Variants in DGKB observed in about 807,000 individuals in gnomAD.
DGKB encodes the protein diacylglycerol kinase beta, also known as 90 kDa diacylglycerol kinase.
In DGKB, 67 loss-of-function variants were observed where a neutral mutation model predicts 114.3. The ratio of observed to expected loss-of-function variants is 0.59; its 90% CI spans 0.48 to 0.72. The LOEUF (loss-of-function observed/expected upper bound fraction) is 0.72. Among genes scored for constraint, DGKB ranks in the 30% least tolerant of loss-of-function variants. DGKB has a pLI of 0.00. For synonymous variants in DGKB, 398 were observed against 323.1 expected (o/e 1.23, Z -2.49); for missense variants, 907 against 975.2 (o/e 0.93, Z 0.93).
At chr7:14,352,720 T>C (rs910678635) in intron 21 of DGKB, among the ~76,000 whole-genome samples, 2 of 152,006 alleles carry the variant, frequency 1.3e-5, no homozygotes, top group Admixed American at 6.6e-5. Context: ...GTCAGGAGTT[T>C]GAGAGCAGCC....
chr7:14,739,992 C>T (rs1232657858), intron 4 of DGKB, among the ~76,000 whole-genome samples: 1 of 152,248 alleles, frequency 6.6e-6, no homozygotes, highest in Non-Finnish European at 1.5e-5. Flanking sequence ...GCTGTATGTA[C>T]TTTCGGCATC....
chr7:14,731,569 G>T (rs1830930587), intron 5 of DGKB, among the ~76,000 whole-genome samples: 1 of 152,144 alleles, frequency 6.6e-6, no homozygotes, highest in Admixed American at 6.5e-5. Flanking sequence ...AATTTATAGT[G>T]ACAGATATCT....
At chr7:14,717,249 T>C (rs1828350594) in intron 6 of DGKB, among the ~76,000 whole-genome samples, 1 of 152,108 alleles carries the variant, frequency 6.6e-6, no homozygotes, top group African/African-American at 2.4e-5. Flanking sequence ...CTAAATACCA[T>C]CTTGGGGAGG....
intron 23 of DGKB, among the ~76,000 whole-genome samples, chr7:14,278,898 C>A (rs1273903107): frequency 6.6e-6 from 1 of 152,140 alleles, no homozygotes; most frequent in Non-Finnish European, 1.5e-5. Flanking sequence ...CGAATAGGAA[C>A]AGCTCAGGTC....
At chr7:14,856,527 T>C (rs922092662) in intron 1 of DGKB, among the ~76,000 whole-genome samples, 1 of 152,290 alleles carries the variant, frequency 6.6e-6, no homozygotes, top group South Asian at 2.1e-4. Flanking sequence ...GTTTGAACTT[T>C]TATAAAACTT....
At chr7:14,473,510 A>G (rs530846925) in intron 21 of DGKB, among the ~76,000 whole-genome samples, 3 of 152,188 alleles carry the variant, frequency 2.0e-5, no homozygotes, top group Admixed American at 2.0e-4. Context: ...TGGGGTCAGA[A>G]CCCCCACAAT....
chr7:14,645,812 G>C (rs1342521160), intron 13 of DGKB, among the ~76,000 whole-genome samples: 10 of 152,012 alleles, frequency 6.6e-5, no homozygotes, highest in Non-Finnish European at 1.2e-4. Context: ...ATCATCACCA[G>C]ACTGGATATA....
chr7:14,768,550 C>A (rs1370337129), intron 2 of DGKB, among the ~76,000 whole-genome samples: 1 of 146,530 alleles, frequency 6.8e-6, no homozygotes, highest in East Asian at 1.9e-4. Flanking sequence ...ACATCAAATT[C>A]CCCAATGGTA....
At chr7:14,314,128 CT>C (rs1805986477) in intron 23 of DGKB, among the ~76,000 whole-genome samples, 1 of 152,158 alleles carries the variant, frequency 6.6e-6, no homozygotes, top group African/African-American at 2.4e-5. Flanking sequence ...AAAAACTCAT[CT>C]GTACATCACC....
At chr7:14,467,429 AAATAT>A (rs1386832672) in intron 21 of DGKB, among the ~76,000 whole-genome samples, 2 of 151,114 alleles carry the variant, frequency 1.3e-5, no homozygotes, top group Admixed American at 6.6e-5. Context: ...AATAAAAATA[AAATAT>A]AAAATATAAG....
intron 20 of DGKB, among the ~76,000 whole-genome samples, chr7:14,550,172 G>GA (rs1221852096): frequency 2.6e-5 from 4 of 151,900 alleles, no homozygotes; most frequent in Non-Finnish European, 5.9e-5. Flanking sequence ...GATCTGTTTT[G>GA]AAAAAATCCT....
At chr7:14,406,666 G>T (rs1359246823) in intron 21 of DGKB, among the ~76,000 whole-genome samples, 1 of 151,992 alleles carries the variant, frequency 6.6e-6, no homozygotes, top group African/African-American at 2.4e-5. Context: ...TATCCCTAGG[G>T]ATCTTGTAAA....
At position 14,751,042 on chromosome 7, in the gene DGKB, C is replaced by A. The variant is rs931292671; in HGVS notation, c.168+2886G>T. 7.9e-5 allele frequency among the ~76,000 whole-genome samples: 12 copies of A among 151,748 alleles called. 1 individual carries two copies. The highest frequency in any genetic ancestry group is 4.6e-4 in the Admixed American group (7 of 15,218). ...TGGCAGGCTGGTTTCAAACTCCTGA[C>A]CCCCAAATGACTGGCCCACGTTGGC... On this transcript the variant is annotated intron_variant, in intron 4 of 25. Coordinates refer to ENST00000402815, the MANE Select transcript of DGKB (RefSeq NM_001350709.2).
chr7:14,955,915 C>G (rs1343114634), intron 1 of DGKB, among the ~76,000 whole-genome samples: 1 of 151,938 alleles, frequency 6.6e-6, no homozygotes, highest in Admixed American at 6.6e-5. Flanking sequence ...TGGAGATTAA[C>G]TACCTTGTAA....
At chr7:14,760,632 A>G (rs541329674) in intron 2 of DGKB, among the ~76,000 whole-genome samples, 1 of 152,204 alleles carries the variant, frequency 6.6e-6, no homozygotes, top group African/African-American at 2.4e-5. Flanking sequence ...ACAGATGCAT[A>G]CATTCTGGAA....
chr7:14,509,185 G>A (rs1787587798), intron 20 of DGKB, among the ~76,000 whole-genome samples: 1 of 152,034 alleles, frequency 6.6e-6, no homozygotes, highest in African/African-American at 2.4e-5. Context: ...AGGCATATAG[G>A]AATACCTCAG....
chr7:14,675,944 T>A (rs560214151), intron 12 of DGKB, among the ~76,000 whole-genome samples: 3 of 152,078 alleles, frequency 2.0e-5, no homozygotes, highest in Non-Finnish European at 4.4e-5. Context: ...AAGTCGTGAA[T>A]CAAATTTGTA....
chr7:14,267,679 C>T (rs943332682), intron 23 of DGKB, among the ~76,000 whole-genome samples: 4 of 151,886 alleles, frequency 2.6e-5, no homozygotes, highest in African/African-American at 7.2e-5. Flanking sequence ...TTAGCAGAGA[C>T]GGGGTTTTAC....
At chr7:14,820,131 C>G (rs1844715453) in intron 2 of DGKB, among the ~76,000 whole-genome samples, 1 of 152,066 alleles carries the variant, frequency 6.6e-6, no homozygotes, top group South Asian at 2.1e-4. Context: ...TACCTAGTAA[C>G]ATTCAATCAT....
Sources: allele counts gnomAD v4.1 joint callset (sites outside exome capture counted in the v4.1 genomes callset), GRCh38; gene constraint gnomAD v4.1.1; transcripts MANE v1.5; gene names NCBI Gene and HGNC (gene_info 2026-07-23, HGNC 2026-07-21).